Variants in RABGAP1L observed in about 807,000 individuals in gnomAD.
RABGAP1L encodes the protein rab GTPase-activating protein 1-like.
A neutral mutation model predicts 137.7 loss-of-function variants in RABGAP1L; 63 were observed. The ratio of observed to expected loss-of-function variants is 0.46; its 90% confidence interval spans 0.37 to 0.56. The LOEUF (loss-of-function observed/expected upper bound fraction) is 0.56, where lower values mean the gene tolerates loss of function less well. RABGAP1L is among the 20% of genes least tolerant of loss of function. The pLI, the probability that RABGAP1L is intolerant of heterozygous loss-of-function variation, is 0.00. For missense variants in RABGAP1L, 1,095 were observed against 1,244.0 expected, an observed-to-expected ratio of 0.88 and a Z score of 1.80; for synonymous variants, 431 against 433.7, an observed-to-expected ratio of 0.99 and a Z score of 0.08.
chr1:174,852,878 T>C (rs1454234734), intron 19 of RABGAP1L, among the ~76,000 whole-genome samples: 1 of 152,078 alleles, frequency 6.6e-6, no homozygotes, highest in African/African-American at 2.4e-5. Flanking sequence ...CAACTGATTT[T>C]AATGACTGTA....
chr1:174,419,952 C>A (rs1651061037), intron 13 of RABGAP1L, among the ~76,000 whole-genome samples: 1 of 151,970 alleles, frequency 6.6e-6, no homozygotes, highest in African/African-American at 2.4e-5. Flanking sequence ...TCCATTTGAG[C>A]CCAAGAAACA....
At chr1:174,258,353 T>C (rs1414940614) in intron 7 of RABGAP1L, among the ~76,000 whole-genome samples, 1 of 152,238 alleles carries the variant, frequency 6.6e-6, no homozygotes, top group Non-Finnish European at 1.5e-5. Context: ...GGTGTGATCA[T>C]GGCTTACTAC....
chr1:174,276,259 C>T (rs912186716), intron 9 of RABGAP1L, among the ~76,000 whole-genome samples: 9 of 152,142 alleles, frequency 5.9e-5, no homozygotes, highest in African/African-American at 2.2e-4. Context: ...CCCACCTCAG[C>T]CTCCTGAGTA....
chr1:174,523,262 T>G (rs1268066707), intron 13 of RABGAP1L, among the ~76,000 whole-genome samples: 1 of 152,200 alleles, frequency 6.6e-6, no homozygotes, highest in Admixed American at 6.5e-5. Flanking sequence ...TCTACTGGCC[T>G]TCCACTTAGC....
intron 13 of RABGAP1L, among the ~76,000 whole-genome samples, chr1:174,437,779 C>T (rs1265229386): frequency 6.6e-6 from 1 of 152,072 alleles, no homozygotes; most frequent in Non-Finnish European, 1.5e-5. Context: ...AGATTTACCA[C>T]AGTGGAAATG....
intron 11 of RABGAP1L, among the ~76,000 whole-genome samples, chr1:174,309,393 G>C (rs540675519): frequency 3.3e-5 from 5 of 151,970 alleles, no homozygotes; most frequent in Non-Finnish European, 5.9e-5. Flanking sequence ...TTACTATTTT[G>C]AATAGAAGTG....
At chr1:174,923,148 A>AAC (rs35962082) in intron 19 of RABGAP1L, among the ~76,000 whole-genome samples, 20 of 64,192 alleles carry the variant, frequency 3.1e-4, no homozygotes, top group Admixed American at 8.7e-4. Context: ...CCTATCTCAG[A>AAC]AAAAAAAAAA....
intron 18 of RABGAP1L, among the ~76,000 whole-genome samples, chr1:174,755,939 A>G (rs904943433): frequency 6.6e-6 from 1 of 152,226 alleles, no homozygotes; most frequent in African/African-American, 2.4e-5. Context: ...ATTCAGATTC[A>G]TTCAAAACAA....
intron 1 of RABGAP1L, among the ~76,000 whole-genome samples, chr1:174,185,606 T>TA (rs939657602): frequency 6.6e-6 from 1 of 152,216 alleles, no homozygotes; most frequent in Non-Finnish European, 1.5e-5. Context: ...ATATGCCTTT[T>TA]AAAAAATGAC....
chr1:174,540,479 A>C (rs1281066537), intron 13 of RABGAP1L, among the ~76,000 whole-genome samples: 2 of 152,194 alleles, frequency 1.3e-5, no homozygotes, highest in African/African-American at 4.8e-5. Context: ...TATAAGGTAT[A>C]CGGAAGGGAT....
chr1:174,579,748 C>T (rs1008031252), intron 13 of RABGAP1L, among the ~76,000 whole-genome samples: 1 of 152,090 alleles, frequency 6.6e-6, no homozygotes, highest in African/African-American at 2.4e-5. Context: ...AGGGGTAAAT[C>T]TTCATGACTT....
At chr1:174,701,743 CAAA>C (rs34027614) in intron 16 of RABGAP1L, among the ~76,000 whole-genome samples, 3 of 133,146 alleles carry the variant, frequency 2.3e-5, no homozygotes, top group Non-Finnish European at 3.2e-5. Flanking sequence ...ACTCTTATCT[CAAA>C]AAAAAAAAAA....
At chr1:174,265,845 A>G (rs768399337) in intron 7 of RABGAP1L, among the ~76,000 whole-genome samples, 1 of 151,978 alleles carries the variant, frequency 6.6e-6, no homozygotes, top group Non-Finnish European at 1.5e-5. Flanking sequence ...TTTATAGCCT[A>G]TCTGCATGTT....
intron 21 of RABGAP1L, among the ~76,000 whole-genome samples, chr1:174,969,803 A>G (rs1669979206): frequency 6.6e-6 from 1 of 152,182 alleles, no homozygotes; most frequent in African/African-American, 2.4e-5. Flanking sequence ...TAAGAGTTGG[A>G]TTGTTAGATT....
At chr1:174,601,815 AC>A (rs34269855) in intron 13 of RABGAP1L, among the ~76,000 whole-genome samples, 55,712 of 151,840 alleles carry the variant, frequency 0.37, 13,478 homozygotes, top group African/African-American at 0.69. Flanking sequence ...TCTGCTAGAT[AC>A]CCTAAATCAT....
In RABGAP1L at chr1:174,193,644, G is replaced by A. The variant is rs573454323; in HGVS notation, c.-33-25481G>A. Among the ~76,000 whole-genome samples, 8 of 152,214 alleles carry A rather than the reference G, an allele frequency of 5.3e-5. No homozygotes were observed. The East Asian group carries it at 1.2e-3, about 22-fold the overall frequency. ...CTTTATGCTGATATGCCCTTATATT[G>A]AAGACTTGACCATATATAGGAACAT... On this transcript the variant is annotated intron_variant, in intron 1 of 25. Coordinates refer to ENST00000681986, the MANE Select transcript of RABGAP1L (RefSeq NM_001366446.1).
chr1:174,394,156 G>A lies in RABGAP1L; in HGVS notation c.1710+11G>A, dbSNP rs1470288753. The A allele has an allele frequency of 6.2e-7, 1 of 1,607,776 alleles. No individual in the cohort carries two copies. Among genetic ancestry groups the A allele is most frequent in the Non-Finnish European group, 8.5e-7 (1 of 1,177,166 alleles). On this transcript the variant is annotated intron_variant, in intron 13 of 25. Transcript: ENST00000681986. ...ATTCTTATCACAAAGGTAGGAAGAA[G>A]TTCTTTTCATATTATTTTCATTGGA...
intron 13 of RABGAP1L, among the ~76,000 whole-genome samples, chr1:174,435,226 C>A (rs1030671815): frequency 3.3e-5 from 5 of 152,110 alleles, no homozygotes; most frequent in African/African-American, 7.2e-5. Context: ...CTATGTTGCC[C>A]AGGCTTGTCT....
At chr1:174,185,616 C>A (rs1666737396) in intron 1 of RABGAP1L, among the ~76,000 whole-genome samples, 1 of 152,092 alleles carries the variant, frequency 6.6e-6, no homozygotes, top group African/African-American at 2.4e-5. Flanking sequence ...TAAAAAATGA[C>A]CTTATAATGG....
Sources: allele counts gnomAD v4.1 joint callset (sites outside exome capture counted in the v4.1 genomes callset), GRCh38; gene constraint gnomAD v4.1.1; transcripts MANE v1.5; gene names NCBI Gene and HGNC (gene_info 2026-07-23, HGNC 2026-07-21).